HSP90AA1: variants seen among roughly 807,000 people sequenced by gnomAD.
The protein encoded by HSP90AA1 is heat shock protein 90 alpha family class A member 1, also known as heat shock protein HSP 90-alpha.
HSP90AA1 carries 18 observed loss-of-function variants against 73.3 expected under a neutral mutation model. That is an observed-to-expected ratio of 0.25 (90% CI 0.17 to 0.36). The LOEUF (loss-of-function observed/expected upper bound fraction) is 0.36, where lower values mean the gene tolerates loss of function less well. Among genes scored for constraint, HSP90AA1 ranks in the 10% least tolerant of loss-of-function variants. The probability of loss-of-function intolerance (pLI) is 1.00; values close to 1 mark genes in which losing one functional copy is unlikely to be tolerated. For missense variants in HSP90AA1, 704 were observed against 874.2 expected (o/e 0.81, Z 2.45); for synonymous variants, 477 against 296.9 (o/e 1.61, Z -6.24).
Position 102,086,135 on chromosome 14 carries a change from A to G in HSP90AA1, c.163-11T>C, listed in dbSNP as rs185384696. The G allele has an allele frequency of 4.3e-6, 7 of 1,614,150 alleles. No homozygotes were observed. Among genetic ancestry groups the G allele is most frequent in the African/African-American group, 2.7e-5 (2 of 75,048 alleles). On this transcript the variant is annotated splice_polypyrimidine_tract_variant and intron_variant, in intron 2 of 10. Transcript: ENST00000216281. ...GATTTTGTCCAATGCCTGTTAACAAAAAATATTAATTTAAGCATACAGCAC... is the reference window on the plus strand; with the variant it reads ...GATTTTGTCCAATGCCTGTTAACAAGAAATATTAATTTAAGCATACAGCAC...
Position 102,082,265 on chromosome 14 carries a change from G to A in HSP90AA1, c.1935C>T (p.Thr645=), listed in dbSNP as rs780775524. The change falls in exon 10 of 11, where the codon ACC becomes ACT. Residue 645 remains threonine, a synonymous_variant. Coordinates refer to ENST00000216281, the MANE Select transcript of HSP90AA1 (RefSeq NM_005348.4). ...EINPDHSIIE[T]LRQKAEADKN... ...TATCAGCCTCTGCCTTTTGCCTTAA[G>A]GTCTCAATAATGGAATGGTCAGGGT... 1.9e-5 allele frequency: 31 copies of A among 1,613,808 alleles called. No individual in the cohort carries two copies. The highest frequency in any genetic ancestry group is 2.7e-5 in the African/African-American group (2 of 74,906).
chr14:102,137,441 T>A (rs1427652281), intron 1 of HSP90AA1, among the ~76,000 whole-genome samples: 1 of 151,698 alleles, frequency 6.6e-6, no homozygotes, highest in Non-Finnish European at 1.5e-5. Flanking sequence ...TTCTCTTGCC[T>A]CAGCCTCCCG....
intron 1 of HSP90AA1, among the ~76,000 whole-genome samples, chr14:102,109,627 G>C (rs1236893234): frequency 6.6e-5 from 10 of 152,106 alleles, no homozygotes; most frequent in Non-Finnish European, 4.4e-5. Flanking sequence ...TCCCAGTCTT[G>C]GGTATGTCCT....
At chr14:102,083,391 G>C (rs1158378422) in intron 8 of HSP90AA1, 89 bp from the exon 9 acceptor site, 1 of 1,490,526 alleles carries the variant, frequency 6.7e-7, no homozygotes, top group Non-Finnish European at 9.3e-7. Context: ...CAGATACCTA[G>C]GCAGAACCTA....
chr14:102,102,146 A>G, intron 1 of HSP90AA1: 3 of 1,462,656 alleles, frequency 2.1e-6, no homozygotes, highest in African/African-American at 1.4e-5. Context: ...ATAGGGCGGC[A>G]GAGGATGAAC....
rs1566720246 is a variant in HSP90AA1 at position 102,084,943 on chromosome 14, TCTTC to T, written c.715_718del (p.Glu239ThrfsTer77). 2 of 1,598,556 alleles carry T rather than the reference TCTTC, an allele frequency of 1.3e-6. No homozygotes were observed. Among genetic ancestry groups the T allele is most frequent in the Admixed American group, 1.7e-5 (1 of 59,946 alleles). On this transcript the variant is annotated frameshift_variant, in exon 5 of 11. Coordinates refer to ENST00000216281, the MANE Select transcript of HSP90AA1 (RefSeq NM_005348.4). LOFTEE classifies it high-confidence loss of function. ...TTCTTTTTCTTTTTCTTCTTCTTTG[TCTTC>T]CTTTTCTTCAGCCTCATCATCGCTT...
At chr14:102,139,387 G>C in exon 1 of HSP90AA1, 1 of 1,580,422 alleles carries the variant, frequency 6.3e-7, no homozygotes, top group Non-Finnish European at 8.6e-7. Context: ...AGCCGTCCCC[G>C]CCCGAACACG....
At chr14:102,089,087 A>C (rs1441998667), upstream of HSP90AA1, among the ~76,000 whole-genome samples, 4 of 151,644 alleles carry the variant, frequency 2.6e-5, no homozygotes. Context: ...CGCCCGGCTA[A>C]TTTTTGTATT....
intron 1 of HSP90AA1, among the ~76,000 whole-genome samples, chr14:102,116,609 G>A (rs965195173): frequency 1.3e-5 from 2 of 152,172 alleles, no homozygotes; most frequent in African/African-American, 4.8e-5. Context: ...CCCTGGCCCC[G>A]TGTCACCACT....
chr14:102,094,455 T>C (rs974553785), intron 2 of HSP90AA1, among the ~76,000 whole-genome samples: 5 of 152,072 alleles, frequency 3.3e-5, no homozygotes, highest in African/African-American at 1.2e-4. Context: ...ACTTAGAAAC[T>C]CTTGAAGAGT....
At chr14:102,101,877 G>A (rs779864623) in exon 2 of HSP90AA1, 4 of 1,612,350 alleles carry the variant, frequency 2.5e-6, no homozygotes, top group Non-Finnish European at 3.4e-6. Context: ...CCACTTACCA[G>A]TAGCCTAAGC....
intron 3 of HSP90AA1, 55 bp downstream of exon 3, chr14:102,085,703 T>G: frequency 6.2e-7 from 1 of 1,610,984 alleles, no homozygotes. Context: ...GTCCAAGGGT[T>G]GCAGCACCCC....
chr14:102,110,704 C>T (rs1037852226), intron 1 of HSP90AA1, among the ~76,000 whole-genome samples: 5 of 151,804 alleles, frequency 3.3e-5, no homozygotes, highest in Admixed American at 6.6e-5. Context: ...CTCAGCCTCC[C>T]GAGCAGCTCG....
intron 1 of HSP90AA1, among the ~76,000 whole-genome samples, chr14:102,132,803 C>G (rs2049924285): frequency 6.6e-6 from 1 of 150,606 alleles, no homozygotes; most frequent in African/African-American, 2.4e-5. Context: ...ACTAAAAATA[C>G]AAAAGAATTT....
chr14:102,130,756 G>T (rs150692207), intron 1 of HSP90AA1, among the ~76,000 whole-genome samples: 6,804 of 152,100 alleles, frequency 0.045, 177 homozygotes, highest in Middle Eastern at 0.068. Context: ...TTGAGACAGG[G>T]TCTCCCTCTG....
intron 1 of HSP90AA1, among the ~76,000 whole-genome samples, chr14:102,134,680 T>C (rs1453051530): frequency 6.6e-6 from 1 of 152,116 alleles, no homozygotes; most frequent in African/African-American, 2.4e-5. Context: ...GGTGGGCTCG[T>C]GGTCTTGCTG....
rs552531440 is a variant in HSP90AA1 at position 102,103,304 on chromosome 14, G to T, written c.156-1219C>A. On this transcript the variant is annotated intron_variant, in intron 1 of 11. Transcript: ENST00000334701. ...GATTCACTGCAGCCTCAACCTGCTG[G>T]GCTTAAGCGAGTCTCCTACCTCCTA... 4.0e-4 allele frequency among the ~76,000 whole-genome samples: 60 copies of T among 150,814 alleles called. No individual in the cohort carries two copies. In the South Asian group the frequency reaches 0.013, roughly 32 times the overall value.
chr14:102,101,380 C>A (rs1323490437), intron 2 of HSP90AA1, among the ~76,000 whole-genome samples: 1 of 152,200 alleles, frequency 6.6e-6, no homozygotes, highest in Admixed American at 6.6e-5. Flanking sequence ...CTCAGCATAG[C>A]CTGCCCAGGC....
chr14:102,124,992 A>G (rs906398312), intron 1 of HSP90AA1, among the ~76,000 whole-genome samples: 5 of 152,096 alleles, frequency 3.3e-5, no homozygotes, highest in Admixed American at 6.6e-5. Flanking sequence ...CACATTCATA[A>G]TCTTTATTTA....
Sources: allele counts gnomAD v4.1 joint callset (sites outside exome capture counted in the v4.1 genomes callset), GRCh38; gene constraint gnomAD v4.1.1; transcripts MANE v1.5; gene names NCBI Gene and HGNC (gene_info 2026-07-23, HGNC 2026-07-21).